The following TBC1D21 variants were observed in gnomAD, a reference collection of about 807,000 sequenced individuals.
The protein encoded by TBC1D21 is male germ cell Rab GTPase-activating protein.
A neutral mutation model predicts 46.0 loss-of-function variants in TBC1D21; 38 were observed. The ratio of observed to expected loss-of-function variants is 0.83; its 90% CI spans 0.64 to 1.08. TBC1D21 has a LOEUF of 1.08. Ranked by LOEUF, TBC1D21 falls within the 50% of genes least tolerant of loss-of-function variation. TBC1D21 has a pLI of 0.00. For missense variants in TBC1D21, 415 were observed against 417.9 expected, an observed-to-expected ratio of 0.99 and a Z score of 0.06; for synonymous variants, 151 against 157.2, an observed-to-expected ratio of 0.96 and a Z score of 0.29.
the TBC1D21 span, among the ~76,000 whole-genome samples, chr15:73,898,880 A>AAAAAAAATATAT: frequency 1.9e-4 from 11 of 56,776 alleles, no homozygotes; most frequent in East Asian, 3.6e-4. Flanking sequence ...AAAAAAAAAA[A>AAAAAAAATATAT]ATATATATAT....
the TBC1D21 span, among the ~76,000 whole-genome samples, chr15:73,899,963 T>A: frequency 6.6e-6 from 1 of 152,110 alleles, no homozygotes; most frequent in Non-Finnish European, 1.5e-5. Flanking sequence ...GGCTTTGAGG[T>A]GGGCAGCCCA....
downstream of TBC1D21, among the ~76,000 whole-genome samples, chr15:73,891,386 T>C (rs1018290731): frequency 2.6e-5 from 4 of 152,194 alleles, no homozygotes; most frequent in East Asian, 7.7e-4. Flanking sequence ...ATGATGGCAG[T>C]GGCAGCCCAT....
At chr15:73,877,045 TCC>T (rs550637308) in intron 1 of TBC1D21, among the ~76,000 whole-genome samples, 73 of 152,304 alleles carry the variant, frequency 4.8e-4, no homozygotes, top group African/African-American at 1.6e-3. Context: ...TGGTCTCAGT[TCC>T]CTGATCTGTA....
At chr15:73,901,226 G>A in the TBC1D21 span, among the ~76,000 whole-genome samples, 1 of 152,220 alleles carries the variant, frequency 6.6e-6, no homozygotes, top group Non-Finnish European at 1.5e-5. Context: ...TTGGCCAAAA[G>A]GAGCTGCCCC....
intron 1 of TBC1D21, among the ~76,000 whole-genome samples, chr15:73,876,199 GTTTTTTTTTTTTTTTTTTTTTTTT>G (rs539517539): frequency 0.093 from 2,620 of 28,302 alleles, 389 homozygotes; most frequent in African/African-American, 0.14. Flanking sequence ...TTTTTTGTGG[GTTTTTTTTTTTTTTTTTTTTTTTT>G]TTTTTTTTTT....
chr15:73,887,997 G>C (rs2068281700), intron 9 of TBC1D21, among the ~76,000 whole-genome samples: 2 of 152,340 alleles, frequency 1.3e-5, no homozygotes, highest in South Asian at 4.1e-4. Flanking sequence ...TGAGGAAATG[G>C]AGGCCTTGAA....
At position 73,886,629 on chromosome 15, in the gene TBC1D21, G is replaced by C. The variant is rs764368142; in HGVS notation, c.777+17G>C. On this transcript the variant is annotated intron_variant, in intron 8 of 10. Coordinates refer to ENST00000300504, the MANE Select transcript of TBC1D21 (RefSeq NM_153356.3). ...CTCTGGGAGGTGAGGTGTCCAGCTAGGGATCATCAGGCTGGGCTCCACCCA... is the reference window on the plus strand; with the variant it reads ...CTCTGGGAGGTGAGGTGTCCAGCTACGGATCATCAGGCTGGGCTCCACCCA... 22 of 1,608,662 alleles carry C rather than the reference G, an allele frequency of 1.4e-5. No homozygotes were observed. Among genetic ancestry groups the C allele is most frequent in the Non-Finnish European group, 1.7e-5 (20 of 1,176,206 alleles).
At chr15:73,902,673 C>T in the TBC1D21 span, among the ~76,000 whole-genome samples, 18,441 of 152,236 alleles carry the variant, frequency 0.12, 1,443 homozygotes, top group Non-Finnish European at 0.17. Flanking sequence ...AGGTCTTTCT[C>T]ATTTTCCCAT....
chr15:73,906,090 C>T, the TBC1D21 span, among the ~76,000 whole-genome samples: 1 of 152,152 alleles, frequency 6.6e-6, no homozygotes, highest in Non-Finnish European at 1.5e-5. Flanking sequence ...TTTCATGTCC[C>T]GTTTTTCTAA....
chr15:73,874,611 C>A (rs2068025284), intron 1 of TBC1D21, among the ~76,000 whole-genome samples: 1 of 152,124 alleles, frequency 6.6e-6, no homozygotes, highest in Non-Finnish European at 1.5e-5. Context: ...GTATTTCGAC[C>A]CAGACAGGTG....
downstream of TBC1D21, among the ~76,000 whole-genome samples, chr15:73,891,609 C>T (rs1051939479): frequency 2.0e-5 from 3 of 152,224 alleles, no homozygotes; most frequent in African/African-American, 7.2e-5. Flanking sequence ...CCCTTGAAAC[C>T]CCCATGCCCT....
the TBC1D21 span, among the ~76,000 whole-genome samples, chr15:73,895,063 T>A: frequency 6.6e-6 from 1 of 152,188 alleles, no homozygotes; most frequent in Admixed American, 6.5e-5. Flanking sequence ...GGGAGCTTTT[T>A]AAAAATAACC....
intron 6 of TBC1D21, among the ~76,000 whole-genome samples, chr15:73,885,416 C>T (rs964536491): frequency 6.6e-6 from 1 of 152,138 alleles, no homozygotes; most frequent in Non-Finnish European, 1.5e-5. Context: ...GGTTCTCCTC[C>T]CTCCTCGCTG....
downstream of TBC1D21, among the ~76,000 whole-genome samples, chr15:73,891,842 T>A (rs1300531812): frequency 6.6e-6 from 1 of 152,212 alleles, no homozygotes; most frequent in African/African-American, 2.4e-5. Context: ...GGGTGGGTGC[T>A]AAGGATGGCT....
At chr15:73,891,216 A>G (rs2068334069), downstream of TBC1D21, among the ~76,000 whole-genome samples, 1 of 152,192 alleles carries the variant, frequency 6.6e-6, no homozygotes, top group African/African-American at 2.4e-5. Context: ...TTAGTTTATC[A>G]TTTATACAGC....
At position 73,881,453 on chromosome 15, in the gene TBC1D21, A is replaced by G. The variant is rs762572756; in HGVS notation, c.115A>G (p.Ser39Gly). Residue 39 changes from serine (S) to glycine (G), a missense_variant, in exon 2 of 11, where the codon AGT becomes GGT. Transcript: ENST00000300504. ...AGAATGGGACAGCTTCTTTGATGAG[A>G]GTGGCCACTTGGCCAAATCACGGGA... ...KTEWDSFFDE[S>G]GHLAKSRDFI... is the part of the protein sequence containing the mutation. The G allele has an allele frequency of 1.2e-6, 2 of 1,614,226 alleles. No homozygotes were observed. The highest frequency in any genetic ancestry group is 1.1e-5 in the South Asian group (1 of 91,090).
At chr15:73,909,669 C>T in the TBC1D21 span, 2 of 152,258 alleles carry the variant, frequency 1.3e-5, no homozygotes, top group East Asian at 3.9e-4. Flanking sequence ...AGCCCTGTTC[C>T]TCTGCAGGAC....
intron 1 of TBC1D21, among the ~76,000 whole-genome samples, chr15:73,877,403 G>T (rs2068084536): frequency 6.7e-6 from 1 of 150,014 alleles, no homozygotes; most frequent in South Asian, 2.1e-4. Flanking sequence ...AATAGAATCT[G>T]CAATTAAAAA....
chr15:73,897,107 G>A, the TBC1D21 span, among the ~76,000 whole-genome samples: 26 of 152,124 alleles, frequency 1.7e-4, 1 homozygote, highest in South Asian at 4.2e-4. Flanking sequence ...CTTGGTCGCC[G>A]CACTGAAGGT....
Sources: allele counts gnomAD v4.1 joint callset (sites outside exome capture counted in the v4.1 genomes callset), GRCh38; gene constraint gnomAD v4.1.1; transcripts MANE v1.5; gene names NCBI Gene and HGNC (gene_info 2026-07-23, HGNC 2026-07-21).